The following PCDH15 variants were observed in gnomAD, a reference collection of about 807,000 sequenced individuals.
The protein encoded by PCDH15 is protocadherin related 15.
Under a neutral mutation model 178.5 loss-of-function variants are expected in PCDH15, and 129 were observed. The ratio of observed to expected loss-of-function variants is 0.72; its 90% CI spans 0.63 to 0.84. The LOEUF (loss-of-function observed/expected upper bound fraction) is 0.84, where lower values mean the gene tolerates loss of function less well. Ranked by LOEUF, PCDH15 falls within the 40% of genes least tolerant of loss-of-function variation. PCDH15 has a pLI of 0.00. For synonymous variants in PCDH15, 800 were observed against 732.0 expected (o/e 1.09, Z -1.50); for missense variants, 2,230 against 2,099.9 (o/e 1.06, Z -1.21).
intron 2 of PCDH15, among the ~76,000 whole-genome samples, chr10:55,119,050 G>A (rs888661261): frequency 1.1e-4 from 17 of 152,126 alleles, no homozygotes; most frequent in East Asian, 7.7e-4. Context: ...CACCTGGCAC[G>A]TCTCCTGGTT....
intron 2 of PCDH15, among the ~76,000 whole-genome samples, chr10:54,953,602 T>C (rs1180979575): frequency 6.6e-6 from 1 of 151,350 alleles, no homozygotes; most frequent in Non-Finnish European, 1.5e-5. Flanking sequence ...CGTAGCTTCA[T>C]AATATGCTTT....
At chr10:53,833,199 G>A (rs2077113023) in intron 29 of PCDH15, among the ~76,000 whole-genome samples, 1 of 151,874 alleles carries the variant, frequency 6.6e-6, no homozygotes, top group African/African-American at 2.4e-5. Flanking sequence ...TTAATTTAAG[G>A]GAAGAATATA....
intron 20 of PCDH15, among the ~76,000 whole-genome samples, chr10:54,010,481 T>C (rs1256366151): frequency 6.6e-6 from 1 of 152,158 alleles, no homozygotes; most frequent in Non-Finnish European, 1.5e-5. Context: ...GGTTGGAGAC[T>C]GATGCAAACG....
chr10:55,376,375 C>A (rs1837395028), intron 2 of PCDH15, among the ~76,000 whole-genome samples: 1 of 152,014 alleles, frequency 6.6e-6, no homozygotes, highest in Non-Finnish European at 1.5e-5. Flanking sequence ...CCCTTGGCGT[C>A]TCAGGTTTCA....
chr10:55,115,506 T>A (rs529315522), intron 2 of PCDH15, among the ~76,000 whole-genome samples: 1 of 152,186 alleles, frequency 6.6e-6, no homozygotes, highest in African/African-American at 2.4e-5. Context: ...CACTTGAACA[T>A]TCCTTGTCAT....
At chr10:54,178,651 C>G (rs145745617) in intron 13 of PCDH15, among the ~76,000 whole-genome samples, 2 of 151,884 alleles carry the variant, frequency 1.3e-5, no homozygotes, top group Non-Finnish European at 2.9e-5. Flanking sequence ...TCAGAGGACT[C>G]AACTTTATGT....
In PCDH15 at chr10:53,903,356, C is replaced by T; in HGVS notation, c.3388G>A (p.Val1130Ile). The part of the protein sequence containing the change: ...RVPSKSNTAK[V>I]YIEIQDENNH... ...TTTTCATCCTGAATCTCAATGTATA[C>T]TTTAGCTGTATTGCCTGGAGGACAA... The change falls in exon 26 of 38, where the codon GTA becomes ATA. Residue 1130 changes from valine (V) to isoleucine (I), a missense_variant. Coordinates refer to ENST00000644397, the MANE Select transcript of PCDH15 (RefSeq NM_001384140.1). 1.2e-6 allele frequency: 2 copies of T among 1,612,834 alleles called. No individual in the cohort carries two copies. The highest frequency in any genetic ancestry group is 1.7e-6 in the Non-Finnish European group (2 of 1,179,388).
chr10:54,394,737 G>A (rs1354173388), intron 3 of PCDH15, among the ~76,000 whole-genome samples: 1 of 152,128 alleles, frequency 6.6e-6, no homozygotes, highest in Non-Finnish European at 1.5e-5. Context: ...GCCTGGGAGC[G>A]CTATGGAAGA....
intron 2 of PCDH15, among the ~76,000 whole-genome samples, chr10:55,121,189 G>C (rs959137388): frequency 6.6e-6 from 1 of 152,144 alleles, no homozygotes; most frequent in African/African-American, 2.4e-5. Flanking sequence ...AGTACATGGA[G>C]TCAAAGTTTA....
rs1837557763 is a variant in PCDH15 at position 55,382,435 on chromosome 10, T to A, written c.-155-215784A>T. ...CTAAGTGATGCTATGTGACAAGGAC[T>A]AAATCTACCATTGTTGGTAGATTTT... is the stretch of plus-strand genomic sequence containing the variant. On this transcript the variant is annotated intron_variant, in intron 2 of 5. Transcript: ENST00000613346. 2.0e-5 allele frequency among the ~76,000 whole-genome samples: 3 copies of A among 152,180 alleles called. No homozygotes were observed. In the South Asian group the frequency reaches 6.2e-4, roughly 31 times the overall value.
intron 2 of PCDH15, among the ~76,000 whole-genome samples, chr10:55,035,803 T>C (rs563741745): frequency 5.0e-4 from 76 of 152,108 alleles, no homozygotes; most frequent in African/African-American, 1.6e-3. Context: ...GTAAACAAAA[T>C]AGAAGAGAAA....
intron 6 of PCDH15, among the ~76,000 whole-genome samples, chr10:54,343,489 T>C (rs1487288781): frequency 6.6e-6 from 1 of 152,182 alleles, no homozygotes; most frequent in Non-Finnish European, 1.5e-5. Flanking sequence ...AGTTATTCTT[T>C]ATAGAAGTGT....
chr10:54,690,745 G>A (rs375028805), intron 1 of PCDH15, among the ~76,000 whole-genome samples: 30 of 152,030 alleles, frequency 2.0e-4, no homozygotes, highest in African/African-American at 4.8e-4. Flanking sequence ...ATCAACTAAC[G>A]TTTGTCAGTA....
chr10:55,606,986 A>G (rs1843235107), intron 2 of PCDH15, among the ~76,000 whole-genome samples: 2 of 151,196 alleles, frequency 1.3e-5, no homozygotes, highest in African/African-American at 2.4e-5. Context: ...GAAAATTTTC[A>G]CAACCTACTC....
upstream of PCDH15, among the ~76,000 whole-genome samples, chr10:55,324,116 G>A (rs1843973055): frequency 6.6e-6 from 1 of 152,072 alleles, no homozygotes; most frequent in Non-Finnish European, 1.5e-5. Context: ...CTGGGCCCAG[G>A]CATCCTCAGC....
intron 2 of PCDH15, among the ~76,000 whole-genome samples, chr10:55,615,460 C>T (rs777152376): frequency 5.9e-5 from 9 of 152,154 alleles, no homozygotes; most frequent in Non-Finnish European, 1.3e-4. Flanking sequence ...TATAAAACAG[C>T]AATAAATGGG....
chr10:55,058,576 T>A (rs565315704), intron 2 of PCDH15, among the ~76,000 whole-genome samples: 4 of 152,308 alleles, frequency 2.6e-5, no homozygotes, highest in African/African-American at 9.6e-5. Context: ...ACGTGTACCG[T>A]GTAGAATATT....
At chr10:54,274,617 TG>T (rs2058245021) in intron 8 of PCDH15, among the ~76,000 whole-genome samples, 2 of 10,728 alleles carry the variant, frequency 1.9e-4, no homozygotes, top group Non-Finnish European at 2.7e-4. Flanking sequence ...TCAGTTTAAT[TG>T]TGTGTGTGTG....
chr10:53,952,913 T>C (rs1453924516), intron 23 of PCDH15, among the ~76,000 whole-genome samples: 1 of 152,192 alleles, frequency 6.6e-6, no homozygotes, highest in African/African-American at 2.4e-5. Context: ...TGCTCTGAAA[T>C]TGGAGCAGGC....
Sources: gnomAD v4.1 joint callset for allele counts (sites outside exome capture counted in the v4.1 genomes callset) on GRCh38, gnomAD v4.1.1 for gene constraint, MANE v1.5 for transcripts, NCBI Gene and HGNC (gene_info 2026-07-23, HGNC 2026-07-21) for gene names.